FGD5: variants seen among roughly 807,000 people sequenced by gnomAD.
FGD5 encodes the protein FYVE, RhoGEF and PH domain containing 5.
FGD5 carries 28 observed loss-of-function variants against 133.4 expected under a neutral mutation model. The ratio of observed to expected loss-of-function variants is 0.21; its 90% CI spans 0.16 to 0.29. The LOEUF is 0.29. Among genes scored for constraint, FGD5 ranks in the 10% least tolerant of loss-of-function variants. The probability of loss-of-function intolerance (pLI) is 1.00; values close to 1 mark genes in which losing one functional copy is unlikely to be tolerated. For synonymous variants in FGD5, 810 were observed against 776.5 expected (o/e 1.04, Z -0.72); for missense variants, 1,858 against 1,895.2 (o/e 0.98, Z 0.36).
chr3:14,858,355 G>GTGGGTGGATGGATGGATGGA (rs57012067), intron 1 of FGD5, among the ~76,000 whole-genome samples: 88 of 130,960 alleles, frequency 6.7e-4, no homozygotes, highest in East Asian at 3.5e-3. Flanking sequence ...GGGTGGGTGG[G>GTGGGTGGATGGATGGATGGA]TGGATGGATG....
In FGD5 at chr3:14,820,838, T is replaced by G; in HGVS notation, c.1767T>G (p.Ile589Met). Residue 589 changes from isoleucine to methionine, a missense_variant, in exon 1 of 20, where the codon ATT (isoleucine) becomes ATG (methionine). Around this residue, in one of 3 missense-constraint regions of FGD5, gnomAD observed 1,824 missense variants for 1,848.9 expected, o/e 0.99. Coordinates refer to ENST00000285046, the MANE Select transcript of FGD5 (RefSeq NM_152536.4). ...KEDNLSLSCV[I>M]GSSGSFSQRN... ...ACAATCTCTCTCTGTCGTGTGTAAT[T>G]GGCTCCTCTGGGAGTTTCTCCCAGA... 1.2e-6 allele frequency: 2 copies of G among 1,613,746 alleles called. No homozygotes were observed. Among genetic ancestry groups the G allele is most frequent in the African/African-American group, 2.7e-5 (2 of 74,956 alleles).
chr3:14,912,086 C>T (rs1305818951), intron 11 of FGD5, among the ~76,000 whole-genome samples: 1 of 152,028 alleles, frequency 6.6e-6, no homozygotes, highest in Non-Finnish European at 1.5e-5. Context: ...TGTCTGCAGC[C>T]AGACCCTTCT....
At chr3:14,843,836 A>G (rs1297041582) in intron 1 of FGD5, among the ~76,000 whole-genome samples, 1 of 151,600 alleles carries the variant, frequency 6.6e-6, no homozygotes, top group Non-Finnish European at 1.5e-5. Flanking sequence ...GATTACAGGT[A>G]TGCACCACCA....
Position 14,897,686 on chromosome 3 carries a change from C to A in FGD5, c.2909+17C>A. ...GTCAAATTGGTGAGCAGTCCCTGGA[C>A]CCCCGGGTTCCACTTTTGTTGCACT... On this transcript the variant is annotated intron_variant, in intron 5 of 19. Coordinates refer to ENST00000285046, the MANE Select transcript of FGD5 (RefSeq NM_152536.4). 1 of 1,584,630 alleles carries A rather than the reference C, an allele frequency of 6.3e-7. No homozygotes were observed. The highest frequency in any genetic ancestry group is 1.2e-5 in the South Asian group (1 of 86,716).
rs1483350090 is a variant in FGD5 at position 14,895,438 on chromosome 3, C to T, written c.2749-2071C>T. ...TTCTGCATTTAGTTATTTAGTTTTC[C>T]GAGCACCATTTATGGAAGAGACTGT... On this transcript the variant is annotated intron_variant, in intron 4 of 19. Transcript: ENST00000285046. 2.0e-5 allele frequency among the ~76,000 whole-genome samples: 3 copies of T among 152,258 alleles called. No homozygotes were observed. The East Asian group carries it at 5.8e-4, about 29-fold the overall frequency.
intron 16 of FGD5, among the ~76,000 whole-genome samples, chr3:14,923,681 T>C (rs2038731389): frequency 6.6e-6 from 1 of 152,038 alleles, no homozygotes. Context: ...GGAGAGCAGG[T>C]GTATCTTGGG....
At position 14,819,661 on chromosome 3, in the gene FGD5, C is replaced by A; in HGVS notation, c.590C>A (p.Pro197His). Residue 197 changes from proline to histidine, a missense_variant, in exon 1 of 20, where the codon CCT (proline) becomes CAT (histidine). Pro to His is a moderately conservative substitution (Grantham distance 77). Coordinates refer to ENST00000285046, the MANE Select transcript of FGD5 (RefSeq NM_152536.4). This position sits in a 1 kb window ranked among gnomAD's most constrained non-coding sequence, Gnocchi z 4.1. ...EGVFQSDLLL[P>H]HIHGEDQEPP... ...GTCTTCCAGAGCGACCTCCTCCTGC[C>A]TCACATCCATGGAGAGGACCAGGAG... 1 of 1,548,136 alleles carries A rather than the reference C, an allele frequency of 6.5e-7. No homozygotes were observed. Among genetic ancestry groups the A allele is most frequent in the Non-Finnish European group, 8.7e-7 (1 of 1,145,242 alleles).
At chr3:14,870,235 T>G (rs1245428009) in intron 2 of FGD5, among the ~76,000 whole-genome samples, 1 of 151,378 alleles carries the variant, frequency 6.6e-6, no homozygotes, top group Non-Finnish European at 1.5e-5. Context: ...GCGGAGAGAG[T>G]CTGTGAGCCA....
In FGD5 at chr3:14,909,772, T is replaced by C. The variant is rs564384976; in HGVS notation, c.3337-1089T>C. Reference sequence around the variant, plus strand: ...TTTTCTTTTCTTTTCTTTTTTTTTTTTTTTTGGAGACAGAGTCTTGCTCTG... The same window carrying C: ...TTTTCTTTTCTTTTCTTTTTTTTTTCTTTTTGGAGACAGAGTCTTGCTCTG... On this transcript the variant is annotated intron_variant, in intron 10 of 19. Transcript: ENST00000285046. 4.2e-3 allele frequency among the ~76,000 whole-genome samples: 640 copies of C among 151,300 alleles called. 7 individuals are homozygous for C. The highest frequency in any genetic ancestry group is 0.015 in the African/African-American group (610 of 41,322).
Position 14,922,414 on chromosome 3 carries a change from C to A in FGD5, c.3673C>A (p.Arg1225=). The change falls in exon 15 of 20, where the codon CGA becomes AGA. Residue 1225 remains arginine (R), a synonymous_variant. Coordinates refer to ENST00000285046, the MANE Select transcript of FGD5 (RefSeq NM_152536.4). This position sits in a 1 kb window ranked among gnomAD's most constrained non-coding sequence, Gnocchi z 4.1. ...TCAGCCAATTCTGTTGCTGCAGATA[C>A]GAGAGAGGCTGGGGGTTAGCCTTGG... The part of the protein sequence containing the change: ...LAAFHHSVEI[R]ERLGVSLGER... 4.5e-6 allele frequency: 7 copies of A among 1,565,262 alleles called. No individual in the cohort carries two copies. Among genetic ancestry groups the A allele is most frequent in the Non-Finnish European group, 6.1e-6 (7 of 1,154,652 alleles).
intron 1 of FGD5, among the ~76,000 whole-genome samples, chr3:14,812,917 T>C (rs2036314585): frequency 6.6e-6 from 1 of 152,208 alleles, no homozygotes; most frequent in Admixed American, 6.5e-5. Context: ...GTGTTTTACT[T>C]CTATCAGTTT....
upstream of FGD5, chr3:14,810,785 G>A (rs1242912885): frequency 2.8e-5 from 28 of 983,238 alleles, no homozygotes; most frequent in Non-Finnish European, 3.3e-5. Flanking sequence ...GAGGCGGTGT[G>A]CGGAGTCGCA....
At chr3:14,913,694 C>CCAGGGACCTTGAATGCCAGGAACAGA (rs2038495634) in intron 11 of FGD5, among the ~76,000 whole-genome samples, 1 of 152,210 alleles carries the variant, frequency 6.6e-6, no homozygotes, top group Non-Finnish European at 1.5e-5. Flanking sequence ...TGCACCTCTC[C>CCAGGGACCTTGAATGCCAGGAACAGA]CAGGGACCTT....
At chr3:14,878,786 C>T (rs1333150969) in intron 2 of FGD5, among the ~76,000 whole-genome samples, 2 of 144,840 alleles carry the variant, frequency 1.4e-5, no homozygotes, top group South Asian at 2.2e-4. Flanking sequence ...AGTGCAATGG[C>T]GCAATCTCGG....
upstream of FGD5, chr3:14,810,755 C>G (rs1252942953): frequency 2.1e-6 from 2 of 969,110 alleles, no homozygotes; most frequent in Non-Finnish European, 1.2e-6. Context: ...GGTGCGGGCC[C>G]CGCGGGGCGG....
chr3:14,826,234 T>A (rs1406864041), intron 1 of FGD5, among the ~76,000 whole-genome samples: 1 of 152,014 alleles, frequency 6.6e-6, no homozygotes, highest in African/African-American at 2.4e-5. Context: ...GCACTGGCTT[T>A]CTCTCTCTCT....
chr3:14,869,780 T>C (rs1367780186), intron 2 of FGD5, among the ~76,000 whole-genome samples: 1 of 152,236 alleles, frequency 6.6e-6, no homozygotes, highest in African/African-American at 2.4e-5. Context: ...TTCTTTCCCC[T>C]TTAATACTGA....
Position 14,819,468 on chromosome 3 carries a change from A to G in FGD5, c.397A>G (p.Arg133Gly). Residue 133 changes from arginine (R) to glycine (G), a missense_variant, in exon 1 of 20, where the codon AGG (arginine) becomes GGG (glycine). Around this residue, in one of 3 missense-constraint regions of FGD5, gnomAD observed 1,824 missense variants for 1,848.9 expected, o/e 0.99. Transcript: ENST00000285046. This position sits in a 1 kb window ranked among gnomAD's most constrained non-coding sequence, Gnocchi z 4.1. ...PAAPGAGALS[R>G]EGEEGTDLAL... Reference sequence around the variant, plus strand: ...TGCTCCGGGTGCAGGAGCGCTGAGCAGGGAGGGTGAGGAAGGCACAGACCT... The same window carrying G: ...TGCTCCGGGTGCAGGAGCGCTGAGCGGGGAGGGTGAGGAAGGCACAGACCT... The G allele has an allele frequency of 6.4e-7, 1 of 1,551,186 alleles. No individual in the cohort carries two copies. Among genetic ancestry groups the G allele is most frequent in the Non-Finnish European group, 8.7e-7 (1 of 1,146,902 alleles).
At chr3:14,857,060 A>G (rs922993180) in intron 1 of FGD5, among the ~76,000 whole-genome samples, 3 of 152,134 alleles carry the variant, frequency 2.0e-5, no homozygotes, top group African/African-American at 7.2e-5. Flanking sequence ...TCTGCACCTA[A>G]TTTATTGAGA....
Sources: gnomAD v4.1 joint callset for allele counts (sites outside exome capture counted in the v4.1 genomes callset) on GRCh38, gnomAD v4.1.1 for gene constraint, gnomAD v4.1.1 regional missense constraint, Gnocchi (gnomAD v3.1) non-coding constraint, MANE v1.5 for transcripts, NCBI Gene and HGNC (gene_info 2026-07-23, HGNC 2026-07-21) for gene names.